Variants in SLC2A7 observed in about 807,000 individuals in gnomAD.
SLC2A7 encodes the protein solute carrier family 2, facilitated glucose transporter member 7.
A neutral mutation model predicts 50.5 loss-of-function variants in SLC2A7; 50 were observed. The observed-to-expected ratio is 0.99, with a 90% CI of 0.79 to 1.25. SLC2A7 has a LOEUF of 1.25. Among genes scored for constraint, SLC2A7 ranks in the 50% most tolerant of loss-of-function variants. The pLI is 0.00. For missense variants in SLC2A7, 683 were observed against 679.1 expected (o/e 1.01, Z -0.06); for synonymous variants, 308 against 300.4 (o/e 1.03, Z -0.26).
In SLC2A7 at chr1:9,008,553, C is replaced by G. The variant is rs1640693347; in HGVS notation, c.1117-1168G>C. On this transcript the variant is annotated intron_variant, in intron 9 of 11. Coordinates refer to ENST00000400906, the MANE Select transcript of SLC2A7 (RefSeq NM_207420.3). This position sits in a 1 kb window ranked among gnomAD's most constrained non-coding sequence, Gnocchi z 5.9. ...GCAGGTGGCGCTCAGTCGTGCTCAC[C>G]TCTTTTCACTTCCTAGAATCCCTAA... 6.6e-6 allele frequency among the ~76,000 whole-genome samples: 1 copy of G among 151,774 alleles called. No homozygotes were observed. The highest frequency in any genetic ancestry group is 1.5e-5 in the Non-Finnish European group (1 of 68,006).
chr1:9,009,145 C>G (rs1271077757), intron 9 of SLC2A7, among the ~76,000 whole-genome samples: 1 of 152,182 alleles, frequency 6.6e-6, no homozygotes, highest in Non-Finnish European at 1.5e-5. Flanking sequence ...GATCTTGGCT[C>G]TACATGACAG....
chr1:9,023,860 T>TGAGATGAAG (rs1640955504), intron 2 of SLC2A7, among the ~76,000 whole-genome samples: 1 of 81,778 alleles, frequency 1.2e-5, no homozygotes, highest in Non-Finnish European at 2.4e-5. Context: ...TTTTTTTTTT[T>TGAGATGAAG]TTTTTTTTTT....
chr1:8,997,740 G>C, the SLC2A7 span, among the ~76,000 whole-genome samples: 1 of 152,150 alleles, frequency 6.6e-6, no homozygotes, highest in Non-Finnish European at 1.5e-5. Context: ...TGTACATCTA[G>C]ATACTAGTGC....
intron 8 of SLC2A7, among the ~76,000 whole-genome samples, chr1:9,012,204 T>C (rs1173725540): frequency 1.3e-5 from 2 of 152,216 alleles, no homozygotes; most frequent in Non-Finnish European, 2.9e-5. Flanking sequence ...GGGAGCGAAG[T>C]GCACCCCAAA....
chr1:9,007,708 T>C (rs1640676218), intron 9 of SLC2A7, among the ~76,000 whole-genome samples: 1 of 151,906 alleles, frequency 6.6e-6, no homozygotes, highest in Non-Finnish European at 1.5e-5. Context: ...TTTGTGATAC[T>C]CCTCTGCCCT....
downstream of SLC2A7, among the ~76,000 whole-genome samples, chr1:9,002,764 C>CAG (rs1640593701): frequency 6.6e-6 from 1 of 152,234 alleles, no homozygotes; most frequent in Non-Finnish European, 1.5e-5. Flanking sequence ...TCTCATCCCA[C>CAG]CTGACGAGAA....
chr1:9,014,660 C>T (rs1164086023), intron 7 of SLC2A7, 21 bp downstream of exon 7: 2 of 1,550,832 alleles, frequency 1.3e-6, no homozygotes, highest in African/African-American at 1.4e-5. Context: ...TGTCTCCCTG[C>T]CTGGCCACCG....
rs34494379 is a variant in SLC2A7, at chr1:9,003,047, C to T, written c.*253G>A. ...TTAAATTTTGGTGCCAATGTAGAAT[C>T]GGAAAATCGAGTCTTAACCAATCAA... On this transcript the variant is annotated 3_prime_UTR_variant, in exon 12 of 12. Coordinates refer to ENST00000400906, the MANE Select transcript of SLC2A7 (RefSeq NM_207420.3). 0.083 allele frequency among the ~76,000 whole-genome samples: 12,630 copies of T among 152,246 alleles called. 594 individuals are homozygous for T. The highest frequency in any genetic ancestry group is 0.11 in the Middle Eastern group (33 of 294).
At chr1:9,017,758 C>T (rs753000093) in intron 5 of SLC2A7, among the ~76,000 whole-genome samples, 2 of 152,304 alleles carry the variant, frequency 1.3e-5, no homozygotes, top group East Asian at 1.9e-4. Context: ...CACCACGACC[C>T]CCACTCGCTC....
At chr1:9,019,069 A>T in intron 4 of SLC2A7, 140 bp downstream of exon 4, 1 of 1,111,432 alleles carries the variant, frequency 9.0e-7, no homozygotes, top group Non-Finnish European at 1.2e-6. Context: ...GAGGCTTGCA[A>T]GGGCCTGGGG....
intron 8 of SLC2A7, among the ~76,000 whole-genome samples, chr1:9,012,445 G>A (rs1014140527): frequency 1.3e-5 from 2 of 152,186 alleles, no homozygotes; most frequent in African/African-American, 4.8e-5. Flanking sequence ...GCAGGAGGAA[G>A]GGGTTGAGAC....
rs1407421453 is a variant in SLC2A7 at position 9,008,596 on chromosome 1, T to C, written c.1117-1211A>G. Among the ~76,000 whole-genome samples the C allele has an allele frequency of 1.0e-5, 1 of 99,176 alleles. No individual in the cohort carries two copies. Among genetic ancestry groups the C allele is most frequent in the African/African-American group, 4.0e-5 (1 of 24,794 alleles). The allele number at this position is 99,176 out of a possible 152,430, so 65.1% of individuals were successfully genotyped here. On this transcript the variant is annotated intron_variant, in intron 9 of 11. Transcript: ENST00000400906. The surrounding 1 kb of genome is among the most constrained non-coding windows in gnomAD (Gnocchi z 5.9). ...ATCCCTAAAGGTTCTGCTAAGAACTTATATTGGTTTTTTTTTTTTTTAGAC... is the reference window on the plus strand; with the variant it reads ...ATCCCTAAAGGTTCTGCTAAGAACTCATATTGGTTTTTTTTTTTTTTAGAC...
intron 4 of SLC2A7, 85 bp downstream of exon 4, chr1:9,019,124 G>A: frequency 6.6e-7 from 1 of 1,524,796 alleles, no homozygotes; most frequent in Non-Finnish European, 8.8e-7. Context: ...GCAGAGCCAG[G>A]CAGACACCTC....
chr1:9,022,692 C>A (rs1169309054), intron 3 of SLC2A7, among the ~76,000 whole-genome samples: 2 of 151,948 alleles, frequency 1.3e-5, no homozygotes, highest in Non-Finnish European at 2.9e-5. Flanking sequence ...ACCTCTGTGG[C>A]AGGTGACGGA....
chr1:9,014,698 G>T lies in SLC2A7; in HGVS notation c.886C>A (p.Leu296Met). 1 of 1,559,504 alleles carries T rather than the reference G, an allele frequency of 6.4e-7. No homozygotes were observed. Among genetic ancestry groups the T allele is most frequent in the Non-Finnish European group, 8.7e-7 (1 of 1,151,576 alleles). ...CCACATACCGCATTGATGCCCGACA[G>T]CTGCTGGCCGGCCATGAGCACGATG... ...SIIVLMAGQQ[L>M]SGINAINYYA... The change falls in exon 7 of 12, where the codon CTG becomes ATG. Residue 296 changes from leucine to methionine, a missense_variant. Physicochemically the swap from Leu to Met is conservative, Grantham distance 15. Coordinates refer to ENST00000400906, the MANE Select transcript of SLC2A7 (RefSeq NM_207420.3).
In SLC2A7 at chr1:9,025,058, A is replaced by T; in HGVS notation, c.68T>A (p.Leu23Gln). Residue 23 changes from leucine to glutamine, a missense_variant, in exon 2 of 12, where the codon CTG becomes CAG. Physicochemically the swap from Leu to Gln is moderately radical, Grantham distance 113. Transcript: ENST00000400906. Reference sequence around the variant, plus strand: ...GGCCGCGCTCAGTGTCGCCAGCAACAGCGTCGGCTGGAGCCGCTGTAGGAG... The same window carrying T: ...GGCCGCGCTCAGTGTCGCCAGCAACTGCGTCGGCTGGAGCCGCTGTAGGAG... ...PSREGRLQPT[L>Q]LLATLSAAFG... 6.2e-7 allele frequency: 1 copy of T among 1,613,222 alleles called. No homozygotes were observed. Among genetic ancestry groups the T allele is most frequent in the Non-Finnish European group, 8.5e-7 (1 of 1,179,894 alleles).
Position 9,026,294 on chromosome 1 carries a change from C to A in SLC2A7, c.51+1G>T. The A allele has an allele frequency of 6.2e-7, 1 of 1,608,886 alleles. No homozygotes were observed. The highest frequency in any genetic ancestry group is 2.2e-5 in the East Asian group (1 of 44,812). On this transcript the variant is annotated splice_donor_variant, in intron 1 of 11. Transcript: ENST00000400906. LOFTEE classifies it high-confidence loss of function. ...GACAGGTTCCTAGTCTTGGCACTTA[C>A]CCCCTCCCTGGATGGAATGGGTGGA...
Position 9,003,320 on chromosome 1 carries a change from C to T in SLC2A7, c.1519G>A (p.Ala507Thr). The part of the protein sequence containing the change: ...IDAGPPTASP[A>T]KETSF ...GGCCACTAAAAGGAAGTTTCCTTGG[C>T]AGGAGAGGCTGTGGGAGGCCCAGCA... Residue 507 changes from alanine (A) to threonine (T), a missense_variant, in exon 12 of 12, where the codon GCC becomes ACC. Transcript: ENST00000400906. The T allele has an allele frequency of 6.2e-7, 1 of 1,614,206 alleles. No homozygotes were observed. The highest frequency in any genetic ancestry group is 1.6e-4 in the Middle Eastern group (1 of 6,062).
chr1:8,996,271 T>C, the SLC2A7 span, among the ~76,000 whole-genome samples: 1 of 152,092 alleles, frequency 6.6e-6, no homozygotes, highest in Non-Finnish European at 1.5e-5. Context: ...TGAAATAATA[T>C]AGTAGGCACT....
Sources: gnomAD v4.1 joint callset for allele counts (sites outside exome capture counted in the v4.1 genomes callset) on GRCh38, gnomAD v4.1.1 for gene constraint, Gnocchi (gnomAD v3.1) non-coding constraint, MANE v1.5 for transcripts, NCBI Gene and HGNC (gene_info 2026-07-23, HGNC 2026-07-21) for gene names.